The following RNGTT variants were observed in gnomAD, a reference collection of about 807,000 sequenced individuals.
RNGTT encodes the protein RNA guanylyltransferase and 5'-phosphatase.
RNGTT carries 33 observed loss-of-function variants against 79.3 expected under a neutral mutation model. The observed-to-expected ratio is 0.42, with a 90% CI of 0.32 to 0.56. RNGTT has a LOEUF of 0.56. RNGTT is among the 20% of genes least tolerant of loss of function. RNGTT has a pLI of 0.17. For missense variants in RNGTT, 497 were observed against 739.1 expected (o/e 0.67, Z 3.80); for synonymous variants, 222 against 235.9 (o/e 0.94, Z 0.54).
At chr6:88,903,745 C>T (rs948697428) in intron 6 of RNGTT, among the ~76,000 whole-genome samples, 16 of 152,228 alleles carry the variant, frequency 1.1e-4, no homozygotes, top group Non-Finnish European at 2.1e-4. Context: ...GTGGTATATA[C>T]CACTCAACCA....
At chr6:88,832,076 T>C (rs1285943236) in intron 11 of RNGTT, among the ~76,000 whole-genome samples, 3 of 152,156 alleles carry the variant, frequency 2.0e-5, no homozygotes, top group Non-Finnish European at 4.4e-5. Context: ...CTTCACAGAA[T>C]TGGAAAAAAC....
At chr6:88,882,869 A>G (rs1782733558) in intron 8 of RNGTT, among the ~76,000 whole-genome samples, 1 of 152,222 alleles carries the variant, frequency 6.6e-6, no homozygotes, top group South Asian at 2.1e-4. Flanking sequence ...ACCTGCTAGC[A>G]TCTTGATTCT....
At chr6:88,739,985 A>G (rs1364697970) in intron 13 of RNGTT, among the ~76,000 whole-genome samples, 1 of 151,936 alleles carries the variant, frequency 6.6e-6, no homozygotes, top group Non-Finnish European at 1.5e-5. Context: ...AAATTCATTT[A>G]TCAGTTATCT....
At chr6:88,909,629 A>C (rs1783768821) in intron 4 of RNGTT, among the ~76,000 whole-genome samples, 1 of 152,168 alleles carries the variant, frequency 6.6e-6, no homozygotes, top group Non-Finnish European at 1.5e-5. Flanking sequence ...TGAGGGGGAT[A>C]CCACCAAGGC....
At position 88,612,984 on chromosome 6, in the gene RNGTT, T is replaced by C. The variant is rs977964454; in HGVS notation, c.1631-102A>G. The C allele has an allele frequency of 2.8e-6, 3 of 1,072,478 alleles. No individual in the cohort carries two copies. In the Admixed American group the frequency reaches 8.1e-5, roughly 29 times the overall value. 66.4% of individuals were successfully genotyped at this position (1,072,478 alleles called of 1,614,324 possible). A position where few individuals can be genotyped will look rare whatever the true frequency, so the allele number is the denominator to read the frequency against. ...TTTCATCCCAATATACTAAATACTT[T>C]CCATTTTACCCATTTGAGTGATGTG... On this transcript the variant is annotated intron_variant, in intron 15 of 15. Transcript: ENST00000369485.
chr6:88,656,460 T>G (rs1467987229), intron 14 of RNGTT, among the ~76,000 whole-genome samples: 1 of 152,182 alleles, frequency 6.6e-6, no homozygotes, highest in Non-Finnish European at 1.5e-5. Flanking sequence ...ATAAAAAATT[T>G]TCTCTGAAAA....
At chr6:88,867,307 T>C (rs1260189245) in intron 8 of RNGTT, among the ~76,000 whole-genome samples, 2 of 151,556 alleles carry the variant, frequency 1.3e-5, no homozygotes, top group African/African-American at 4.8e-5. Context: ...ACATGGTGAA[T>C]CCCCATCTCT....
chr6:88,813,887 C>A (rs1161971745), intron 11 of RNGTT, among the ~76,000 whole-genome samples: 1 of 152,182 alleles, frequency 6.6e-6, no homozygotes, highest in Admixed American at 6.5e-5. Context: ...TCAGGAATCA[C>A]ATCTTACATT....
chr6:88,667,381 T>C (rs1409390665), intron 14 of RNGTT, among the ~76,000 whole-genome samples: 1 of 152,208 alleles, frequency 6.6e-6, no homozygotes, highest in Non-Finnish European at 1.5e-5. Flanking sequence ...ACTTCTACAT[T>C]TCATGTCTTG....
intron 11 of RNGTT, among the ~76,000 whole-genome samples, chr6:88,825,174 C>A (rs1388678943): frequency 1.3e-5 from 2 of 152,200 alleles, no homozygotes; most frequent in African/African-American, 4.8e-5. Context: ...AGAGCATACA[C>A]TGAAGGGTAC....
At chr6:88,799,153 G>T (rs927987504) in intron 12 of RNGTT, among the ~76,000 whole-genome samples, 3 of 149,836 alleles carry the variant, frequency 2.0e-5, no homozygotes, top group Non-Finnish European at 4.4e-5. Flanking sequence ...AACAGAAAAA[G>T]ACCTGAAAAA....
chr6:88,734,548 T>A (rs532473087), intron 13 of RNGTT, among the ~76,000 whole-genome samples: 94 of 152,226 alleles, frequency 6.2e-4, no homozygotes, highest in East Asian at 7.7e-4. Flanking sequence ...AGATTTTTTT[T>A]AAAAAGACCC....
intron 1 of RNGTT, among the ~76,000 whole-genome samples, chr6:88,955,284 C>A (rs992163373): frequency 2.6e-5 from 4 of 152,134 alleles, no homozygotes; most frequent in Non-Finnish European, 4.4e-5. Context: ...GGCGTGGTGG[C>A]TCATGCCTGC....
intron 12 of RNGTT, among the ~76,000 whole-genome samples, chr6:88,792,597 A>G (rs368462178): frequency 2.0e-5 from 3 of 152,212 alleles, no homozygotes; most frequent in African/African-American, 4.8e-5. Flanking sequence ...TAATAGAAAC[A>G]TATTTCCATT....
At chr6:88,719,865 CT>C (rs544258688) in intron 13 of RNGTT, among the ~76,000 whole-genome samples, 49 of 152,296 alleles carry the variant, frequency 3.2e-4, no homozygotes, top group Admixed American at 5.9e-4. Context: ...TCCTTGTCAT[CT>C]TTCTTACTTT....
intron 8 of RNGTT, among the ~76,000 whole-genome samples, chr6:88,877,410 C>T (rs1782551695): frequency 6.6e-6 from 1 of 152,180 alleles, no homozygotes; most frequent in Admixed American, 6.5e-5. Context: ...GCTCCCAAAT[C>T]AGGTTAAAAA....
chr6:88,641,123 A>C (rs936587594), intron 14 of RNGTT, among the ~76,000 whole-genome samples: 1 of 151,978 alleles, frequency 6.6e-6, no homozygotes, highest in Non-Finnish European at 1.5e-5. Context: ...GGTGGATCAC[A>C]AGGTCAGGAG....
At chr6:88,698,145 A>G (rs1268390054) in intron 13 of RNGTT, among the ~76,000 whole-genome samples, 1 of 111,586 alleles carries the variant, frequency 9.0e-6, no homozygotes, top group Non-Finnish European at 1.6e-5. Context: ...TGATATATAT[A>G]TGAAATACAT....
chr6:88,894,641 A>G (rs1783171110), intron 6 of RNGTT, among the ~76,000 whole-genome samples: 1 of 152,204 alleles, frequency 6.6e-6, no homozygotes, highest in African/African-American at 2.4e-5. Flanking sequence ...GAAGGATATC[A>G]TCCCCATATG....
Sources: gnomAD v4.1 joint callset for allele counts (sites outside exome capture counted in the v4.1 genomes callset) on GRCh38, gnomAD v4.1.1 for gene constraint, MANE v1.5 for transcripts, NCBI Gene and HGNC (gene_info 2026-07-23, HGNC 2026-07-21) for gene names.